Variants in NTRK1 observed in about 807,000 individuals in gnomAD.
NTRK1 encodes the protein neurotrophic receptor tyrosine kinase 1.
Under a neutral mutation model 86.8 loss-of-function variants are expected in NTRK1, and 62 were observed. The ratio of observed to expected loss-of-function variants is 0.71; its 90% CI spans 0.58 to 0.88. The LOEUF (loss-of-function observed/expected upper bound fraction) is 0.88, where lower values mean the gene tolerates loss of function less well. Ranked by LOEUF, NTRK1 falls within the 40% of genes least tolerant of loss-of-function variation. The pLI, the probability that NTRK1 is intolerant of heterozygous loss-of-function variation, is 0.00. For synonymous variants in NTRK1, 469 were observed against 456.6 expected (o/e 1.03, Z -0.35); for missense variants, 967 against 1,078.4 (o/e 0.90, Z 1.45).
At chr1:156,826,361 C>T (rs1216547781) in intron 1 of NTRK1, among the ~76,000 whole-genome samples, 3 of 124,806 alleles carry the variant, frequency 2.4e-5, no homozygotes, top group Non-Finnish European at 4.7e-5. Flanking sequence ...AGTGCAGTGG[C>T]GTGATCTCGG....
rs2102909951 is a variant in NTRK1, at chr1:156,874,576, A to T, written c.1201A>T (p.Asn401Tyr). 6.2e-7 allele frequency: 1 copy of T among 1,614,162 alleles called. No individual in the cohort carries two copies. Among genetic ancestry groups the T allele is most frequent in the Non-Finnish European group, 8.5e-7 (1 of 1,179,996 alleles). The stretch of plus-strand genomic sequence containing the variant: ...CCTGCCCTGTGTCCCTACAGACACT[A>T]ACAGCACATCTGGAGACCCGGTGGA... ...IPVSFSPVDT[N>Y]STSGDPVEKK... The change falls in exon 10 of 17, where the codon AAC becomes TAC. Residue 401 changes from asparagine to tyrosine, a missense_variant. By Grantham distance (143) the Asn-to-Tyr change is moderately radical. This residue lies in a region of NTRK1 where 637 missense variants were observed against 776.5 expected (regional missense o/e 0.82). Transcript: ENST00000524377.
intron 2 of NTRK1, among the ~76,000 whole-genome samples, chr1:156,850,556 TTTTTTTTTTG>T (rs1655172833): frequency 8.1e-6 from 1 of 123,114 alleles, no homozygotes; most frequent in South Asian, 2.8e-4. Context: ...TTTTTTTTTT[TTTTTTTTTTG>T]AGATGGAGTC....
chr1:156,866,019 T>C (rs1655913771), intron 3 of NTRK1, among the ~76,000 whole-genome samples: 1 of 152,252 alleles, frequency 6.6e-6, no homozygotes, highest in East Asian at 1.9e-4. Context: ...GAGAGTGTTC[T>C]TGTCCCCATT....
chr1:156,860,793 C>T (rs751679771), upstream of NTRK1: 42 of 1,329,102 alleles, frequency 3.2e-5, no homozygotes, highest in Non-Finnish European at 3.6e-5. Context: ...CAAGGCGGGG[C>T]CGGGCGGGGG....
At chr1:156,873,581 G>A (rs1647694674) in intron 7 of NTRK1, 52 bp from the exon 8 acceptor site, 16 of 1,509,472 alleles carry the variant, frequency 1.1e-5, no homozygotes, top group Non-Finnish European at 1.5e-5. Context: ...TGTGTGCCAG[G>A]CTCCCTCCAG....
chr1:156,880,254 G>T, intron 16 of NTRK1, 97 bp downstream of exon 16: 1 of 1,370,204 alleles, frequency 7.3e-7, no homozygotes, highest in Non-Finnish European at 1.0e-6. Context: ...CTGCCCCTCT[G>T]CCACAGCCTG....
chr1:156,860,859 G>T (rs1655604302), upstream of NTRK1: 3 of 1,382,560 alleles, frequency 2.2e-6, no homozygotes, highest in East Asian at 2.9e-5. Flanking sequence ...CAGCGCACAT[G>T]TCGGGGGAGG....
chr1:156,852,190 C>T (rs1280819403), intron 2 of NTRK1: 5 of 1,589,702 alleles, frequency 3.1e-6, no homozygotes, highest in Non-Finnish European at 4.3e-6. Context: ...GGCAGGGGCA[C>T]ACTGTGGGGA....
At chr1:156,869,315 T>C (rs1452184682) in intron 6 of NTRK1, among the ~76,000 whole-genome samples, 3 of 152,114 alleles carry the variant, frequency 2.0e-5, no homozygotes, top group African/African-American at 7.2e-5. Context: ...CCTGACCTCG[T>C]GATCCACCCA....
chr1:156,847,690 G>A (rs890106996), intron 2 of NTRK1, among the ~76,000 whole-genome samples: 29 of 152,058 alleles, frequency 1.9e-4, no homozygotes, highest in African/African-American at 7.0e-4. Flanking sequence ...GGCTCATAGT[G>A]GGTGTCATGG....
intron 4 of NTRK1, 132 bp from the exon 5 acceptor site, chr1:156,867,972 C>A: frequency 9.9e-7 from 1 of 1,006,914 alleles, no homozygotes; most frequent in Non-Finnish European, 1.5e-6. Context: ...TTACTGGAGT[C>A]AGAGAGAAAG....
intron 11 of NTRK1, 128 bp downstream of exon 11, chr1:156,875,136 G>C (rs2102913158): frequency 1.3e-6 from 1 of 758,374 alleles, no homozygotes; most frequent in Non-Finnish European, 2.3e-6. Context: ...GTGTGTTTGG[G>C]GTATAAATGA....
At chr1:156,835,682 T>A (rs1654581070) in intron 1 of NTRK1, among the ~76,000 whole-genome samples, 1 of 152,256 alleles carries the variant, frequency 6.6e-6, no homozygotes, top group Admixed American at 6.5e-5. Context: ...TCTTTCCATG[T>A]CACTAAATGT....
At chr1:156,851,486 G>C (rs755469151) in intron 2 of NTRK1, 5 of 1,611,168 alleles carry the variant, frequency 3.1e-6, no homozygotes, top group Non-Finnish European at 4.2e-6. Flanking sequence ...TGATGGGTCT[G>C]TGGGGCAAGG....
chr1:156,857,383 G>A (rs909505904), upstream of NTRK1, among the ~76,000 whole-genome samples: 11 of 152,218 alleles, frequency 7.2e-5, no homozygotes, highest in African/African-American at 2.7e-4. Context: ...CCTGATGGGA[G>A]TCATTTGGAA....
chr1:156,880,425 C>T, intron 16 of NTRK1: 1 of 542,184 alleles, frequency 1.8e-6, no homozygotes, highest in Non-Finnish European at 3.3e-6. Flanking sequence ...AGCCCAGACC[C>T]CCATCCCTAG....
chr1:156,874,652 C>G, intron 10 of NTRK1, 26 bp downstream of exon 10: 2 of 1,607,912 alleles, frequency 1.2e-6, no homozygotes, highest in South Asian at 2.2e-5. Flanking sequence ...GAAGCTTGTG[C>G]AGACTTTGGG....
intron 1 of NTRK1, among the ~76,000 whole-genome samples, chr1:156,829,676 A>G (rs1654415366): frequency 6.6e-6 from 1 of 152,002 alleles, no homozygotes; most frequent in Non-Finnish European, 1.5e-5. Context: ...TTTTTGAGAC[A>G]GAGTCTTGCT....
At chr1:156,843,580 CT>C in intron 2 of NTRK1, 1 of 1,213,048 alleles carries the variant, frequency 8.2e-7, no homozygotes, top group Non-Finnish European at 1.2e-6. Flanking sequence ...AGGGAAGTTA[CT>C]GACCACACCC....
Sources: gnomAD v4.1 joint callset for allele counts (sites outside exome capture counted in the v4.1 genomes callset) on GRCh38, gnomAD v4.1.1 for gene constraint, gnomAD v4.1.1 regional missense constraint, MANE v1.5 for transcripts, NCBI Gene and HGNC (gene_info 2026-07-23, HGNC 2026-07-21) for gene names.